FARP1: variants seen among roughly 807,000 people sequenced by gnomAD.
FARP1 encodes the protein FERM, ARH/RhoGEF and pleckstrin domain protein 1.
FARP1 carries 52 observed loss-of-function variants against 128.8 expected under a neutral mutation model. The ratio of observed to expected loss-of-function variants is 0.40; its 90% CI spans 0.32 to 0.51. The LOEUF is 0.51. Among genes scored for constraint, FARP1 ranks in the 20% least tolerant of loss-of-function variants. The pLI is 0.45. For missense variants in FARP1, 1,333 were observed against 1,367.9 expected, an observed-to-expected ratio of 0.97 and a Z score of 0.40; for synonymous variants, 580 against 551.8, an observed-to-expected ratio of 1.05 and a Z score of -0.72.
chr13:98,197,641 A>AT lies in FARP1; in HGVS notation c.-23-15568dup, dbSNP rs891411436. 2.3e-3 allele frequency among the ~76,000 whole-genome samples: 340 copies of AT among 147,204 alleles called. 1 individual carries two copies. The highest frequency in any genetic ancestry group is 7.0e-3 in the African/African-American group (284 of 40,296). ...GAACTTTTGACTAAAAACTTCCTTA[A>AT]TTTTTTTTTTTGAGATGGAGTCTCG... On this transcript the variant is annotated intron_variant, in intron 1 of 26. Coordinates refer to ENST00000319562, the MANE Select transcript of FARP1 (RefSeq NM_005766.4).
chr13:98,276,427 G>GA (rs146478040), intron 2 of FARP1, among the ~76,000 whole-genome samples: 1,791 of 152,070 alleles, frequency 0.012, 36 homozygotes, highest in African/African-American at 0.04. Context: ...CATAACAGTT[G>GA]AAAAAAAGCA....
intron 2 of FARP1, among the ~76,000 whole-genome samples, chr13:98,312,402 A>G (rs536799030): frequency 2.0e-5 from 3 of 152,176 alleles, no homozygotes; most frequent in Admixed American, 6.5e-5. Context: ...GCCTCCCAAA[A>G]TGCTGGGATT....
chr13:98,264,987 C>T (rs1884037128), intron 2 of FARP1, among the ~76,000 whole-genome samples: 1 of 152,164 alleles, frequency 6.6e-6, no homozygotes, highest in Admixed American at 6.5e-5. Flanking sequence ...ACTTGCTTAT[C>T]TAGCATGGTA....
In FARP1 at chr13:98,448,415, A is replaced by G. The variant is rs1892997938; in HGVS notation, c.*98A>G. On this transcript the variant is annotated 3_prime_UTR_variant, in exon 27 of 27. Coordinates refer to ENST00000319562, the MANE Select transcript of FARP1 (RefSeq NM_005766.4). ...CTGGTAAAATTAACACCTGTCTGAA[A>G]ATCAAAAACATGGCTTCCCAGCAGC... The G allele has an allele frequency of 7.1e-6, 7 of 992,682 alleles. No individual in the cohort carries two copies. Among genetic ancestry groups the G allele is most frequent in the Non-Finnish European group, 9.6e-6 (6 of 626,816 alleles). 61.5% of individuals were successfully genotyped at this position (992,682 alleles called of 1,614,324 possible).
intron 24 of FARP1, among the ~76,000 whole-genome samples, chr13:98,442,142 G>A (rs985995221): frequency 1.3e-5 from 2 of 152,208 alleles, no homozygotes; most frequent in African/African-American, 2.4e-5. Flanking sequence ...CGCCCTCTGC[G>A]GGGCTGCTGC....
At position 98,431,277 on chromosome 13, in the gene FARP1, C is replaced by A. The variant is rs142264894; in HGVS notation, c.2140C>A (p.Arg714=). The A allele has an allele frequency of 4.1e-5, 65 of 1,583,012 alleles. No homozygotes were observed. The highest frequency in any genetic ancestry group is 3.2e-4 in the African/African-American group (24 of 74,420). The part of the protein sequence containing the change: ...PPSHADFRDC[R]AALAEITEMV... ...GAGCCACGCCGACTTCAGGGACTGC[C>A]GAGGTGAGTGCTGGGAGCCTGCGCC... The change falls in exon 18 of 27, where the codon CGA becomes AGA. Residue 714 remains arginine, a synonymous_variant. Coordinates refer to ENST00000319562, the MANE Select transcript of FARP1 (RefSeq NM_005766.4).
At chr13:98,254,325 A>G (rs1566797912) in intron 2 of FARP1, among the ~76,000 whole-genome samples, 1 of 152,230 alleles carries the variant, frequency 6.6e-6, no homozygotes, top group Non-Finnish European at 1.5e-5. Flanking sequence ...ATTCTGAACA[A>G]ATTTCTTAAC....
At chr13:98,432,480 G>A (rs1892071175) in intron 18 of FARP1, 1 of 152,286 alleles carries the variant, frequency 6.6e-6, no homozygotes, top group South Asian at 2.1e-4. Context: ...GTTGGTCTGT[G>A]GGTGTCTGCC....
At chr13:98,314,353 C>G (rs1370746012) in intron 2 of FARP1, among the ~76,000 whole-genome samples, 1 of 140,106 alleles carries the variant, frequency 7.1e-6, no homozygotes, top group African/African-American at 2.7e-5. Context: ...AATCTCGGCT[C>G]ACTGCAACCT....
intron 2 of FARP1, among the ~76,000 whole-genome samples, chr13:98,309,450 T>G (rs1219156652): frequency 2.6e-5 from 4 of 151,998 alleles, no homozygotes; most frequent in Admixed American, 6.6e-5. Context: ...ATTACAAGCG[T>G]GAGCCACCGC....
At chr13:98,246,605 A>G (rs187348924) in intron 2 of FARP1, among the ~76,000 whole-genome samples, 3 of 152,136 alleles carry the variant, frequency 2.0e-5, no homozygotes, top group Admixed American at 1.3e-4. Flanking sequence ...TTTACATACT[A>G]TACTCCCTCC....
At chr13:98,424,673 GGAGC>G in intron 17 of FARP1, 23 bp downstream of exon 17, 2 of 1,551,182 alleles carry the variant, frequency 1.3e-6, no homozygotes, top group Non-Finnish European at 1.8e-6. Context: ...AGATTTGGGT[GGAGC>G]AAGGTTCACC....
At chr13:98,185,639 ATAAT>A in intron 1 of FARP1, among the ~76,000 whole-genome samples, 1 of 119,408 alleles carries the variant, frequency 8.4e-6, no homozygotes, top group Admixed American at 1.1e-4. Context: ...TTTGATTCTG[ATAAT>A]TAGTTTTTTT....
chr13:98,190,388 T>C (rs1879142088), intron 1 of FARP1, among the ~76,000 whole-genome samples: 1 of 152,206 alleles, frequency 6.6e-6, no homozygotes, highest in Non-Finnish European at 1.5e-5. Flanking sequence ...TAAATCAGTG[T>C]TGAAAAAGCT....
intron 1 of FARP1, among the ~76,000 whole-genome samples, chr13:98,204,912 C>T (rs556535728): frequency 1.3e-4 from 19 of 151,924 alleles, no homozygotes; most frequent in Non-Finnish European, 2.6e-4. Context: ...CATGCCACTG[C>T]TCTCTAGCCC....
intron 1 of FARP1, among the ~76,000 whole-genome samples, chr13:98,161,536 C>T (rs1876885158): frequency 6.6e-6 from 1 of 151,918 alleles, no homozygotes; most frequent in South Asian, 2.1e-4. Flanking sequence ...GTCTTTAAGT[C>T]AACATGATTG....
chr13:98,393,107 A>G (rs1455781126), intron 11 of FARP1, among the ~76,000 whole-genome samples: 3 of 152,212 alleles, frequency 2.0e-5, no homozygotes, highest in Non-Finnish European at 2.9e-5. Flanking sequence ...AAGAGATGAA[A>G]GAGACGTGTC....
chr13:98,153,297 A>AAATATATAAAT (rs1876158635), intron 1 of FARP1, among the ~76,000 whole-genome samples: 4 of 115,000 alleles, frequency 3.5e-5, no homozygotes, highest in Admixed American at 3.3e-4. Context: ...AATATATATA[A>AAATATATAAAT]ATATATTTAT....
chr13:98,284,308 ACCAATG>A (rs1373974949), intron 2 of FARP1, among the ~76,000 whole-genome samples: 2 of 152,064 alleles, frequency 1.3e-5, no homozygotes, highest in Non-Finnish European at 2.9e-5. Context: ...CACTTGGATA[ACCAATG>A]CCACCACCTT....
Sources: allele counts gnomAD v4.1 joint callset (sites outside exome capture counted in the v4.1 genomes callset), GRCh38; gene constraint gnomAD v4.1.1; transcripts MANE v1.5; gene names NCBI Gene and HGNC (gene_info 2026-07-23, HGNC 2026-07-21).